The following DHRS3 variants were observed in gnomAD, a reference collection of about 807,000 sequenced individuals.
DHRS3 encodes the protein short-chain dehydrogenase/reductase 3.
DHRS3 carries 14 observed loss-of-function variants against 27.2 expected under a neutral mutation model. The ratio of observed to expected loss-of-function variants is 0.52; its 90% CI spans 0.34 to 0.81. The LOEUF (loss-of-function observed/expected upper bound fraction) is 0.81. DHRS3 is among the 30% of genes least tolerant of loss of function. The pLI, the probability that DHRS3 is intolerant of heterozygous loss-of-function variation, is 0.01. For synonymous variants in DHRS3, 165 were observed against 175.9 expected (o/e 0.94, Z 0.49); for missense variants, 322 against 406.2 (o/e 0.79, Z 1.78).
intron 4 of DHRS3, among the ~76,000 whole-genome samples, chr1:12,575,695 C>T (rs949698629): frequency 1.3e-5 from 2 of 151,348 alleles, no homozygotes; most frequent in Non-Finnish European, 2.9e-5. Flanking sequence ...AAAGGGGATA[C>T]TATTATTATT....
Position 12,608,673 on chromosome 1 carries a change from C to G in DHRS3, c.195+8481G>C, listed in dbSNP as rs559780319. Reference sequence around the variant, plus strand: ...AGGTTGTCCAGAACCTAACCTCCCCCAGTGCAGAAATCTCGACACCATGTT... The same window carrying G: ...AGGTTGTCCAGAACCTAACCTCCCCGAGTGCAGAAATCTCGACACCATGTT... On this transcript the variant is annotated intron_variant, in intron 1 of 5. Transcript: ENST00000616661. The surrounding 1 kb of genome is among the most constrained non-coding windows in gnomAD (Gnocchi z 4.1). Among the ~76,000 whole-genome samples the G allele has an allele frequency of 6.6e-6, 1 of 152,132 alleles. No homozygotes were observed. The highest frequency in any genetic ancestry group is 2.1e-4 in the South Asian group (1 of 4,812).
chr1:12,587,257 C>T (rs796103882), intron 1 of DHRS3, among the ~76,000 whole-genome samples: 2 of 151,784 alleles, frequency 1.3e-5, no homozygotes, highest in South Asian at 4.2e-4. Context: ...ATCCTCCCAC[C>T]TCAGCCTCCC....
Position 12,592,953 on chromosome 1 carries a change from G to A in DHRS3, c.196-12287C>T, listed in dbSNP as rs1012316782. ...ATCCAGAGGCTTCTCACCACTTCTC[G>A]CCACCTCCACGGCGCCTTGGGGCCC... is the stretch of plus-strand genomic sequence containing the variant. On this transcript the variant is annotated intron_variant, in intron 1 of 5. Transcript: ENST00000616661. This position sits in a 1 kb window ranked among gnomAD's most constrained non-coding sequence, Gnocchi z 4.2. Among the ~76,000 whole-genome samples, 1 of 152,102 alleles carries A rather than the reference G, an allele frequency of 6.6e-6. No individual in the cohort carries two copies. The highest frequency in any genetic ancestry group is 1.5e-5 in the Non-Finnish European group (1 of 68,022).
At chr1:12,584,388 T>C (rs1646673598) in intron 1 of DHRS3, among the ~76,000 whole-genome samples, 1 of 151,956 alleles carries the variant, frequency 6.6e-6, no homozygotes, top group African/African-American at 2.4e-5. Context: ...CTTGGCTGTT[T>C]CCTTTCAAGG....
At chr1:12,617,027 G>A in intron 1 of DHRS3, 127 bp downstream of exon 1, 2 of 1,163,456 alleles carry the variant, frequency 1.7e-6, no homozygotes, top group Non-Finnish European at 2.4e-6. Flanking sequence ...CAGCACTCGT[G>A]GGTGGCGCGG....
chr1:12,589,588 C>G (rs1301306040), intron 1 of DHRS3, among the ~76,000 whole-genome samples: 3 of 151,956 alleles, frequency 2.0e-5, no homozygotes, highest in Non-Finnish European at 4.4e-5. Flanking sequence ...GGGGTTTCAC[C>G]ATAATTCACC....
In DHRS3 at chr1:12,586,479, G is replaced by A. The variant is rs529486493; in HGVS notation, c.196-5813C>T. Among the ~76,000 whole-genome samples, 6 of 152,238 alleles carry A rather than the reference G, an allele frequency of 3.9e-5. No individual in the cohort carries two copies. The highest frequency in any genetic ancestry group is 2.9e-5 in the Non-Finnish European group (2 of 68,006). ...CAGCCCCGTCCATCCAGCACCACAC[G>A]GACAGCCGGCTATGGGCTGGGGTGG... On this transcript the variant is annotated intron_variant, in intron 1 of 5. Coordinates refer to ENST00000616661, the MANE Select transcript of DHRS3 (RefSeq NM_004753.7). This position sits in a 1 kb window ranked among gnomAD's most constrained non-coding sequence, Gnocchi z 5.0.
At chr1:12,600,385 A>AC (rs1646827228) in intron 1 of DHRS3, 4 of 985,102 alleles carry the variant, frequency 4.1e-6, no homozygotes, top group Non-Finnish European at 4.8e-6. Context: ...TCCCTTAAGG[A>AC]CCCCGTCTCC....
intron 1 of DHRS3, among the ~76,000 whole-genome samples, chr1:12,610,007 C>T (rs893001473): frequency 7.2e-5 from 11 of 152,170 alleles, no homozygotes; most frequent in African/African-American, 1.9e-4. Flanking sequence ...CTCAGGCCCT[C>T]GCATTCCCAT....
intron 4 of DHRS3, 141 bp from the exon 5 acceptor site, chr1:12,572,994 T>G: frequency 1.9e-6 from 2 of 1,067,634 alleles, no homozygotes; most frequent in Non-Finnish European, 2.6e-6. Context: ...ATACTCCCTC[T>G]ACCCCACACC....
chr1:12,603,495 C>A (rs1458716117), intron 1 of DHRS3, among the ~76,000 whole-genome samples: 2 of 152,184 alleles, frequency 1.3e-5, no homozygotes, highest in African/African-American at 4.8e-5. Context: ...CCTCAGAACC[C>A]TCCCTGCTCC....
chr1:12,579,333 A>T lies in DHRS3; in HGVS notation c.419T>A (p.Leu140His). The change falls in exon 3 of 6, where the codon CTC becomes CAC. Residue 140 changes from leucine to histidine, a missense_variant. Physicochemically the swap from Leu to His is moderately conservative, Grantham distance 99 (BLOSUM62 -3). Transcript: ENST00000616661. ...KSLMDSDDDALLKSQHINTLG... is the reference protein window; with the variant it reads ...KSLMDSDDDAHLKSQHINTLG... ...GGTGTTGATGTGTTGGGACTTGAGG[A>T]GGGCATCATCATCACTGTCCATTAG... 1 of 1,614,142 alleles carries T rather than the reference A, an allele frequency of 6.2e-7. No individual in the cohort carries two copies. Among genetic ancestry groups the T allele is most frequent in the Non-Finnish European group, 8.5e-7 (1 of 1,180,012 alleles).
At chr1:12,605,968 G>C (rs1391066701) in intron 1 of DHRS3, among the ~76,000 whole-genome samples, 1 of 151,792 alleles carries the variant, frequency 6.6e-6, no homozygotes, top group South Asian at 2.1e-4. Context: ...GTGAAATCCC[G>C]TCTCTACTAA....
intron 4 of DHRS3, among the ~76,000 whole-genome samples, chr1:12,573,247 G>A (rs1047552168): frequency 6.6e-6 from 1 of 152,174 alleles, no homozygotes; most frequent in African/African-American, 2.4e-5. Context: ...TCACATGCTC[G>A]GGTCAGGGCT....
At chr1:12,598,574 T>C (rs1646815247) in intron 1 of DHRS3, among the ~76,000 whole-genome samples, 1 of 152,232 alleles carries the variant, frequency 6.6e-6, no homozygotes, top group South Asian at 2.1e-4. Context: ...TGAGGCTAGT[T>C]CTGGTCTCTT....
intron 1 of DHRS3, among the ~76,000 whole-genome samples, chr1:12,595,419 G>A (rs1407552437): frequency 1.3e-5 from 2 of 150,718 alleles, no homozygotes; most frequent in African/African-American, 4.9e-5. Flanking sequence ...GGCCGCGGGG[G>A]TCCCGGGAGG....
chr1:12,569,763 G>A (rs1164527101), intron 5 of DHRS3, among the ~76,000 whole-genome samples: 3 of 152,052 alleles, frequency 2.0e-5, no homozygotes, highest in Admixed American at 6.6e-5. Flanking sequence ...ACAGGGTTTC[G>A]CCATGTTGGC....
chr1:12,607,624 G>T (rs895445282), intron 1 of DHRS3, among the ~76,000 whole-genome samples: 3 of 152,038 alleles, frequency 2.0e-5, no homozygotes, highest in Non-Finnish European at 4.4e-5. Flanking sequence ...AAATTACTCA[G>T]TCTCTAATAT....
chr1:12,579,127 CA>C, intron 3 of DHRS3, 165 bp downstream of exon 3: 2 of 1,341,596 alleles, frequency 1.5e-6, no homozygotes, highest in South Asian at 2.6e-5. Context: ...GCATATTTCA[CA>C]AAGTCTGATG....
Sources: allele counts gnomAD v4.1 joint callset (sites outside exome capture counted in the v4.1 genomes callset), GRCh38; gene constraint gnomAD v4.1.1; non-coding constraint Gnocchi (gnomAD v3.1); transcripts MANE v1.5; gene names NCBI Gene and HGNC (gene_info 2026-07-23, HGNC 2026-07-21).